The following MAPK10 variants were observed in gnomAD, a reference collection of about 807,000 sequenced individuals.
MAPK10 encodes the protein JNK3 alpha protein kinase.
Under a neutral mutation model 59.3 loss-of-function variants are expected in MAPK10, and 25 were observed. The ratio of observed to expected loss-of-function variants is 0.42; its 90% CI spans 0.31 to 0.59. The LOEUF (loss-of-function observed/expected upper bound fraction) is 0.59, where lower values mean the gene tolerates loss of function less well. Among genes scored for constraint, MAPK10 ranks in the 20% least tolerant of loss-of-function variants. The pLI is 0.15. For missense variants in MAPK10, 351 were observed against 568.9 expected, an observed-to-expected ratio of 0.62 and a Z score of 3.90; for synonymous variants, 190 against 200.5, an observed-to-expected ratio of 0.95 and a Z score of 0.44.
intron 1 of MAPK10, among the ~76,000 whole-genome samples, chr4:86,383,447 C>G (rs1741033560): frequency 6.6e-6 from 1 of 152,158 alleles, no homozygotes; most frequent in African/African-American, 2.4e-5. Flanking sequence ...ATAGGATAAA[C>G]AGGTAGCTAA....
intron 2 of MAPK10, among the ~76,000 whole-genome samples, chr4:86,237,232 TACC>T (rs1177824048): frequency 6.6e-6 from 1 of 152,226 alleles, no homozygotes; most frequent in African/African-American, 2.4e-5. Context: ...GGTGAATATG[TACC>T]ACATTTATCC....
intron 2 of MAPK10, among the ~76,000 whole-genome samples, chr4:86,306,470 A>G (rs1232661100): frequency 6.6e-6 from 1 of 152,204 alleles, no homozygotes; most frequent in Non-Finnish European, 1.5e-5. Context: ...CCCAAATCAT[A>G]CTTTGCAAAC....
At chr4:86,581,169 C>T (rs1762234477) in intron 1 of MAPK10, among the ~76,000 whole-genome samples, 1 of 151,908 alleles carries the variant, frequency 6.6e-6, no homozygotes, top group East Asian at 1.9e-4. Context: ...GCCAGAACTG[C>T]TAGAATTGTA....
At chr4:86,408,413 C>T (rs1433008261) in intron 1 of MAPK10, among the ~76,000 whole-genome samples, 1 of 152,092 alleles carries the variant, frequency 6.6e-6, no homozygotes, top group Non-Finnish European at 1.5e-5. Flanking sequence ...TGGGTATATA[C>T]CCAGTCATGA....
chr4:86,336,242 T>C (rs1056095375), intron 2 of MAPK10: 3 of 68,200 alleles, frequency 4.4e-5, no homozygotes, highest in Non-Finnish European at 7.4e-5. Context: ...AAAAATGTTT[T>C]AAATTGTTTT....
chr4:86,503,930 C>T (rs1485085290), intron 1 of MAPK10, among the ~76,000 whole-genome samples: 3 of 152,074 alleles, frequency 2.0e-5, no homozygotes, highest in East Asian at 1.9e-4. Context: ...AACATGCTCC[C>T]ACCTCTTGGG....
chr4:86,237,611 G>A (rs2092368288), intron 2 of MAPK10, among the ~76,000 whole-genome samples: 1 of 152,120 alleles, frequency 6.6e-6, no homozygotes, highest in South Asian at 2.1e-4. Flanking sequence ...GTTCAGTGAT[G>A]TTAAGCTTTT....
At chr4:86,036,664 T>C (rs2040376000) in intron 11 of MAPK10, among the ~76,000 whole-genome samples, 1 of 152,172 alleles carries the variant, frequency 6.6e-6, no homozygotes. Flanking sequence ...CTGTTGAATC[T>C]AAAATAAAGA....
At chr4:86,287,537 C>T (rs2095059867) in intron 2 of MAPK10, among the ~76,000 whole-genome samples, 1 of 152,200 alleles carries the variant, frequency 6.6e-6, no homozygotes, top group African/African-American at 2.4e-5. Context: ...TGCTTTAACA[C>T]ACATTTCAAA....
rs577059034 is a variant in MAPK10 at position 86,336,979 on chromosome 4, C to T, written c.-7+17551G>A. Among the ~76,000 whole-genome samples, 10 of 151,868 alleles carry T rather than the reference C, an allele frequency of 6.6e-5. No individual in the cohort carries two copies. In the East Asian group the frequency reaches 1.6e-3, roughly 24 times the overall value. The stretch of plus-strand genomic sequence containing the variant: ...TAATTTTTTGTATTTTTAGTAGTGA[C>T]GGGGTTTCACCATGTTAGCCAGGAT... On this transcript the variant is annotated intron_variant, in intron 2 of 13. Transcript: ENST00000641462.
intron 13 of MAPK10, among the ~76,000 whole-genome samples, chr4:86,021,219 C>T (rs1300495549): frequency 6.8e-6 from 1 of 146,030 alleles, no homozygotes; most frequent in African/African-American, 2.5e-5. Flanking sequence ...GCTAGATACA[C>T]AGTGCCGATT....
At chr4:86,256,607 T>C (rs995158830) in intron 2 of MAPK10, among the ~76,000 whole-genome samples, 2 of 152,076 alleles carry the variant, frequency 1.3e-5, no homozygotes, top group African/African-American at 2.4e-5. Flanking sequence ...ATAGCCACAT[T>C]ATAGGTAAAC....
intron 1 of MAPK10, among the ~76,000 whole-genome samples, chr4:86,534,537 T>G (rs1248423920): frequency 1.3e-5 from 2 of 152,108 alleles, no homozygotes; most frequent in African/African-American, 4.8e-5. Flanking sequence ...TGAGATATTA[T>G]CATTAAGAAA....
intron 1 of MAPK10, among the ~76,000 whole-genome samples, chr4:86,472,682 A>G (rs986421948): frequency 1.3e-5 from 2 of 152,164 alleles, no homozygotes; most frequent in African/African-American, 4.8e-5. Flanking sequence ...TAGAAAGACA[A>G]GATAAGATTC....
At chr4:86,022,663 C>A (rs1015430047) in intron 13 of MAPK10, among the ~76,000 whole-genome samples, 1 of 152,060 alleles carries the variant, frequency 6.6e-6, no homozygotes, top group African/African-American at 2.4e-5. Flanking sequence ...TACCACCACA[C>A]CTGGCTAATT....
Position 86,574,623 on chromosome 4 carries a change from T to C in MAPK10, c.-263+19287A>G, listed in dbSNP as rs142632858. ...CTAACTGGTGTGAGATGGTATCTCA[T>C]TGTGGTTTTGATTTGGAGAAATGCA... On this transcript the variant is annotated intron_variant, in intron 1 of 4. Transcript: ENST00000502302. Among the ~76,000 whole-genome samples the C allele has an allele frequency of 9.6e-3, 1,467 of 152,328 alleles. 16 individuals are homozygous for C. The highest frequency in any genetic ancestry group is 0.033 in the African/African-American group (1,381 of 41,568).
intron 2 of MAPK10, among the ~76,000 whole-genome samples, chr4:86,242,513 A>G (rs1265055708): frequency 1.3e-5 from 2 of 152,180 alleles, no homozygotes; most frequent in African/African-American, 4.8e-5. Flanking sequence ...AGGCCCAGGG[A>G]GATCCAAATT....
At chr4:86,540,346 A>T (rs1758579800) in intron 1 of MAPK10, among the ~76,000 whole-genome samples, 1 of 152,120 alleles carries the variant, frequency 6.6e-6, no homozygotes, top group African/African-American at 2.4e-5. Flanking sequence ...GAAAAATACA[A>T]CAAATTAGCC....
chr4:86,262,944 T>C (rs2094065626), intron 2 of MAPK10, among the ~76,000 whole-genome samples: 1 of 152,170 alleles, frequency 6.6e-6, no homozygotes, highest in Non-Finnish European at 1.5e-5. Context: ...CAGCTTCCTG[T>C]CGTACCAACA....
Sources: allele counts gnomAD v4.1 joint callset (sites outside exome capture counted in the v4.1 genomes callset), GRCh38; gene constraint gnomAD v4.1.1; transcripts MANE v1.5; gene names NCBI Gene and HGNC (gene_info 2026-07-23, HGNC 2026-07-21).